The following NOS1AP variants were observed in gnomAD, a reference collection of about 807,000 sequenced individuals.
NOS1AP encodes nitric oxide synthase 1 adaptor protein.
Under a neutral mutation model 56.2 loss-of-function variants are expected in NOS1AP, and 21 were observed. The ratio of observed to expected loss-of-function variants is 0.37; its 90% CI spans 0.26 to 0.54. NOS1AP has a LOEUF of 0.54. Among genes scored for constraint, NOS1AP ranks in the 20% least tolerant of loss-of-function variants. NOS1AP has a pLI of 0.84. For missense variants in NOS1AP, 522 were observed against 657.8 expected (o/e 0.79, Z 2.26); for synonymous variants, 270 against 274.6 (o/e 0.98, Z 0.17).
At chr1:162,119,430 C>A (rs1287606824) in intron 1 of NOS1AP, among the ~76,000 whole-genome samples, 1 of 152,150 alleles carries the variant, frequency 6.6e-6, no homozygotes, top group Non-Finnish European at 1.5e-5. Context: ...TATATGGTGT[C>A]CTTGCTTTTA....
chr1:162,132,527 A>G (rs1263478461), intron 1 of NOS1AP, among the ~76,000 whole-genome samples: 1 of 152,270 alleles, frequency 6.6e-6, no homozygotes, highest in East Asian at 1.9e-4. Context: ...ACACAGGAGA[A>G]TTGCCTTTGG....
Position 162,310,236 on chromosome 1 carries a change from C to T in NOS1AP, c.344+9530C>T, listed in dbSNP as rs146422364. Reference sequence around the variant, plus strand: ...AAAAATCAGGGAATGAGGTATACCCCGTTCTTTGCTTATGATATATACATG... The same window carrying T: ...AAAAATCAGGGAATGAGGTATACCCTGTTCTTTGCTTATGATATATACATG... On this transcript the variant is annotated intron_variant, in intron 4 of 9. Transcript: ENST00000361897. 2.8e-3 allele frequency among the ~76,000 whole-genome samples: 428 copies of T among 152,302 alleles called. 2 individuals carry two copies. The highest frequency in any genetic ancestry group is 9.9e-3 in the African/African-American group (412 of 41,548).
intron 2 of NOS1AP, among the ~76,000 whole-genome samples, chr1:162,187,061 G>A (rs1324012345): frequency 6.6e-6 from 1 of 151,968 alleles, no homozygotes; most frequent in East Asian, 1.9e-4. Flanking sequence ...TGACCTCCTA[G>A]GCTCAAGTGA....
rs530105780 is a variant in NOS1AP, at chr1:162,275,619, G to A, written c.178-11725G>A. Among the ~76,000 whole-genome samples, 31 of 152,228 alleles carry A rather than the reference G, an allele frequency of 2.0e-4. No homozygotes were observed. In the South Asian group the frequency reaches 6.2e-3, roughly 31 times the overall value. ...TTAGATTTCCATCATAGTTGGAGGG[G>A]GAAACCTGCCTCACATCACAGATTG... On this transcript the variant is annotated intron_variant, in intron 2 of 9. Transcript: ENST00000361897.
At chr1:162,146,690 T>C (rs6427654) in intron 1 of NOS1AP, among the ~76,000 whole-genome samples, 150,553 of 152,338 alleles carry the variant, frequency 0.99, 74,408 homozygotes, top group Middle Eastern at 1. Context: ...CCAGGGCTTT[T>C]AAAGTTACTA....
At chr1:162,287,044 G>T (rs1655108544) in intron 2 of NOS1AP, among the ~76,000 whole-genome samples, 1 of 152,172 alleles carries the variant, frequency 6.6e-6, no homozygotes, top group African/African-American at 2.4e-5. Flanking sequence ...GATAGAATGA[G>T]TTATTGAGGG....
At chr1:162,289,264 CCTT>C (rs1557864864) in intron 3 of NOS1AP, among the ~76,000 whole-genome samples, 4 of 68,136 alleles carry the variant, frequency 5.9e-5, no homozygotes, top group Admixed American at 1.5e-4. Flanking sequence ...TTCCTTCCTT[CCTT>C]CCTTCCTTCC....
intron 8 of NOS1AP, among the ~76,000 whole-genome samples, chr1:162,362,077 C>G (rs1318758181): frequency 2.0e-5 from 3 of 152,200 alleles, no homozygotes; most frequent in Non-Finnish European, 2.9e-5. Context: ...TAGGGAGTAC[C>G]CAACAGACAA....
chr1:162,337,969 A>G (rs1557883656), intron 5 of NOS1AP, among the ~76,000 whole-genome samples: 1 of 152,212 alleles, frequency 6.6e-6, no homozygotes, highest in Non-Finnish European at 1.5e-5. Context: ...TGGCATTGTA[A>G]ATTCCATAGA....
intron 1 of NOS1AP, among the ~76,000 whole-genome samples, chr1:162,097,425 T>C (rs1692271702): frequency 6.6e-6 from 1 of 152,202 alleles, no homozygotes; most frequent in Admixed American, 6.5e-5. Flanking sequence ...CTTTCCTTTT[T>C]ATTTGTGTTT....
chr1:162,217,925 A>G (rs16858527), intron 2 of NOS1AP, among the ~76,000 whole-genome samples: 9,770 of 152,222 alleles, frequency 0.064, 685 homozygotes, highest in East Asian at 0.24. Context: ...TCTGCCATGT[A>G]CTGAGCATAT....
chr1:162,201,094 T>C lies in NOS1AP; in HGVS notation c.177+46618T>C, dbSNP rs1651977141. On this transcript the variant is annotated intron_variant, in intron 2 of 9. Transcript: ENST00000361897. Reference sequence around the variant, plus strand: ...CTCTGATAAACCCCAGTTTGTTTTGTTCCTTTCTATGCATCCATGTGTTCT... The same window carrying C: ...CTCTGATAAACCCCAGTTTGTTTTGCTCCTTTCTATGCATCCATGTGTTCT... 2.0e-5 allele frequency among the ~76,000 whole-genome samples: 3 copies of C among 152,208 alleles called. No homozygotes were observed. In the South Asian group the frequency reaches 6.2e-4, roughly 32 times the overall value.
intron 2 of NOS1AP, among the ~76,000 whole-genome samples, chr1:162,182,762 T>G (rs1035588978): frequency 3.9e-5 from 6 of 152,344 alleles, no homozygotes; most frequent in African/African-American, 1.4e-4. Flanking sequence ...CATTAAAATT[T>G]TATTATGAAA....
intron 6 of NOS1AP, 140 bp from the exon 7 acceptor site, chr1:162,355,047 G>A (rs778999279): frequency 2.3e-6 from 2 of 887,560 alleles, no homozygotes; most frequent in Admixed American, 3.7e-5. Context: ...TAACGTACTT[G>A]AGTGAAAAGA....
At chr1:162,351,424 C>T (rs567004109) in intron 6 of NOS1AP, among the ~76,000 whole-genome samples, 2 of 152,282 alleles carry the variant, frequency 1.3e-5, no homozygotes, top group Admixed American at 1.3e-4. Context: ...AAAACTGCCA[C>T]CCACAGACCG....
At chr1:162,164,118 G>T (rs552294408) in intron 2 of NOS1AP, among the ~76,000 whole-genome samples, 1 of 152,158 alleles carries the variant, frequency 6.6e-6, no homozygotes, top group Non-Finnish European at 1.5e-5. Context: ...GAGTTTCCAC[G>T]GGAGGATTTG....
intron 2 of NOS1AP, among the ~76,000 whole-genome samples, chr1:162,266,345 C>T (rs1654422454): frequency 6.6e-6 from 1 of 152,088 alleles, no homozygotes; most frequent in South Asian, 2.1e-4. Flanking sequence ...AGAGAAATAG[C>T]AAAATGCAGA....
At chr1:162,251,616 G>A (rs937945699) in intron 2 of NOS1AP, among the ~76,000 whole-genome samples, 2 of 151,504 alleles carry the variant, frequency 1.3e-5, no homozygotes, top group Non-Finnish European at 2.9e-5. Context: ...GTGTGTGTGT[G>A]TGTGTGTGTG....
At chr1:162,106,744 AC>A (rs1647524850) in intron 1 of NOS1AP, among the ~76,000 whole-genome samples, 1 of 152,202 alleles carries the variant, frequency 6.6e-6, no homozygotes. Context: ...AACTCTGTTG[AC>A]AAACTGTAGG....
Sources: gnomAD v4.1 joint callset for allele counts (sites outside exome capture counted in the v4.1 genomes callset) on GRCh38, gnomAD v4.1.1 for gene constraint, MANE v1.5 for transcripts, NCBI Gene and HGNC (gene_info 2026-07-23, HGNC 2026-07-21) for gene names.